The following PHLDA3 variants were observed in gnomAD, a reference collection of about 807,000 sequenced individuals.
PHLDA3 encodes pleckstrin homology-like domain family A member 3.
A neutral mutation model predicts 7.6 loss-of-function variants in PHLDA3; 12 were observed. That is an observed-to-expected ratio of 1.58 (90% CI 1.01 to 2.55). The LOEUF is 2.55. Ranked by LOEUF, PHLDA3 falls within the 30% of genes most tolerant of loss-of-function variation. The pLI is 0.00. For synonymous variants in PHLDA3, 104 were observed against 85.1 expected, an observed-to-expected ratio of 1.22 and a Z score of -1.23; for missense variants, 177 against 175.6, an observed-to-expected ratio of 1.01 and a Z score of -0.05.
In PHLDA3 at chr1:201,464,869, G is replaced by A. The variant is rs1454779030; in HGVS notation, c.*1372C>T. ...GCTTTGTCACCTAGGCTGGAGTGCA[G>A]TGGTGCCATCTCAGCTCACTGTAAC... On this transcript the variant is annotated 3_prime_UTR_variant, in exon 2 of 2. Transcript: ENST00000367311. The A allele has an allele frequency of 6.6e-6, 1 of 152,202 alleles. No individual in the cohort carries two copies. The highest frequency in any genetic ancestry group is 1.5e-5 in the Non-Finnish European group (1 of 68,082). 9.4% of individuals were successfully genotyped at this position (152,202 alleles called of 1,614,324 possible). A position where few individuals can be genotyped will look rare whatever the true frequency, so the allele number is the denominator to read the frequency against.
In PHLDA3 at chr1:201,469,040, G is replaced by T; in HGVS notation, c.-254C>A. The T allele has an allele frequency of 2.5e-6, 1 of 395,012 alleles. No homozygotes were observed. Among genetic ancestry groups the T allele is most frequent in the Non-Finnish European group, 4.4e-6 (1 of 228,734 alleles). 24.5% of individuals were successfully genotyped at this position (395,012 alleles called of 1,614,324 possible). A position where few individuals can be genotyped will look rare whatever the true frequency, so the allele number is the denominator to read the frequency against. ...CCGCTCCTCCGCTCTACCCCAGCTGGCCCAGCCCGACCCGCCTCTGCCAGA... is the reference window on the plus strand; with the variant it reads ...CCGCTCCTCCGCTCTACCCCAGCTGTCCCAGCCCGACCCGCCTCTGCCAGA... On this transcript the variant is annotated 5_prime_UTR_variant, in exon 1 of 2. Coordinates refer to ENST00000367311, the MANE Select transcript of PHLDA3 (RefSeq NM_012396.5).
In PHLDA3 at chr1:201,468,483, G is replaced by C. The variant is rs1352329894; in HGVS notation, c.304C>G (p.Leu102Val). Residue 102 changes from leucine to valine, a missense_variant, in exon 1 of 2, where the codon CTG (leucine) becomes GTG (valine). Transcript: ENST00000367311. ...GCCTGCTGGTTCTTGAACTTGACCA[G>C]GCCTAGGGTGATCTGGGCGTTCCAG... ...PGWNAQITLGLVKFKNQQAIQ... is the reference protein window; with the variant it reads ...PGWNAQITLGVVKFKNQQAIQ... 6.2e-7 allele frequency: 1 copy of C among 1,614,218 alleles called. No homozygotes were observed. The highest frequency in any genetic ancestry group is 1.1e-5 in the South Asian group (1 of 91,092).
chr1:201,468,968 G>A lies in PHLDA3; in HGVS notation c.-182C>T. 3.6e-6 allele frequency: 2 copies of A among 561,302 alleles called. No homozygotes were observed. Among genetic ancestry groups the A allele is most frequent in the South Asian group, 4.5e-5 (1 of 21,980 alleles). The allele number at this position is 561,302 out of a possible 1,614,324, so 34.8% of individuals were successfully genotyped here. On this transcript the variant is annotated 5_prime_UTR_variant, in exon 1 of 2. Transcript: ENST00000367311. ...ACCCGGCTGCCGGTGAGGTGGTGTCGGTGCCCCCAGCGCGCTCCGCGCCCA... is the reference window on the plus strand; with the variant it reads ...ACCCGGCTGCCGGTGAGGTGGTGTCAGTGCCCCCAGCGCGCTCCGCGCCCA...
At chr1:201,466,209 G>C (rs1042242570) in intron 1 of PHLDA3, 31 bp from the exon 2 acceptor site, 1 of 153,848 alleles carries the variant, frequency 6.5e-6, no homozygotes, top group African/African-American at 2.4e-5. Flanking sequence ...TTAGAGCAGG[G>C]GCAACAATGG....
Position 201,468,440 on chromosome 1 carries a change from G to A in PHLDA3, c.347C>T (p.Ala116Val), listed in dbSNP as rs115283578. ...KNQQAIQTVRARQSLGTGTLV... is the reference protein window; with the variant it reads ...KNQQAIQTVRVRQSLGTGTLV... The stretch of plus-strand genomic sequence containing the variant: ...GGTCCCGGTCCCGAGGCTCTGCCGG[G>A]CCCGCACTGTCTGGATGGCCTGCTG... Residue 116 changes from alanine to valine, a missense_variant, in exon 1 of 2, where the codon GCC becomes GTC. By Grantham distance (64) the Ala-to-Val change is moderately conservative. Transcript: ENST00000367311. 4.3e-4 allele frequency: 687 copies of A among 1,614,108 alleles called. 12 individuals carry two copies. In the East Asian group the frequency reaches 0.015, roughly 36 times the overall value.
chr1:201,468,129 C>T (rs373616035), intron 1 of PHLDA3, among the ~76,000 whole-genome samples: 10 of 152,368 alleles, frequency 6.6e-5, no homozygotes, highest in African/African-American at 2.2e-4. Context: ...ACACCTGGAT[C>T]ACATTCTGGA....
Position 201,464,550 on chromosome 1 carries a change from G to T in PHLDA3, c.*1691C>A, listed in dbSNP as rs1474137786. ...ATTGGAAGGCGAGAGAAATCTGAAC[G>T]GGAACAAAACAGGTTGGAAGCACAA... On this transcript the variant is annotated 3_prime_UTR_variant, in exon 2 of 2. Coordinates refer to ENST00000367311, the MANE Select transcript of PHLDA3 (RefSeq NM_012396.5). 1 of 152,202 alleles carries T rather than the reference G, an allele frequency of 6.6e-6. No individual in the cohort carries two copies. The highest frequency in any genetic ancestry group is 6.5e-5 in the Admixed American group (1 of 15,272). 9.4% of individuals were successfully genotyped at this position (152,202 alleles called of 1,614,324 possible).
chr1:201,468,956 T>A lies in PHLDA3; in HGVS notation c.-170A>T, dbSNP rs1247252255. ...GCGGCCCTCAGCACCCGGCTGCCGG[T>A]GAGGTGGTGTCGGTGCCCCCAGCGC... On this transcript the variant is annotated 5_prime_UTR_variant, in exon 1 of 2. Transcript: ENST00000367311. The A allele has an allele frequency of 9.6e-6, 6 of 626,780 alleles. No homozygotes were observed. The highest frequency in any genetic ancestry group is 9.4e-4 in the Middle Eastern group (2 of 2,126). 38.8% of individuals were successfully genotyped at this position (626,780 alleles called of 1,614,324 possible).
In PHLDA3 at chr1:201,468,892, C is replaced by T. The variant is rs1363214009; in HGVS notation, c.-106G>A. 4 of 1,243,048 alleles carry T rather than the reference C, an allele frequency of 3.2e-6. No individual in the cohort carries two copies. Among genetic ancestry groups the T allele is most frequent in the Non-Finnish European group, 3.1e-6 (3 of 958,754 alleles). The allele number at this position is 1,243,048 out of a possible 1,614,324, so 77.0% of individuals were successfully genotyped here. Reference sequence around the variant, plus strand: ...GCCCCGGGCTGGCAGGCCGTGCGCGCTGCCCACCTGCGCCCTGACTGCTCC... The same window carrying T: ...GCCCCGGGCTGGCAGGCCGTGCGCGTTGCCCACCTGCGCCCTGACTGCTCC... On this transcript the variant is annotated 5_prime_UTR_variant, in exon 1 of 2. Coordinates refer to ENST00000367311, the MANE Select transcript of PHLDA3 (RefSeq NM_012396.5).
At chr1:201,466,952 C>T (rs918380530) in intron 1 of PHLDA3, among the ~76,000 whole-genome samples, 2 of 152,102 alleles carry the variant, frequency 1.3e-5, no homozygotes, top group African/African-American at 4.8e-5. Flanking sequence ...CAGCCTCTGG[C>T]GCAGTTGCCT....
At chr1:201,466,371 A>G (rs1336994589) in intron 1 of PHLDA3, 193 bp from the exon 2 acceptor site, 1 of 152,140 alleles carries the variant, frequency 6.6e-6, no homozygotes, top group African/African-American at 2.4e-5. Context: ...ATGTGGATCA[A>G]TCCTCAGCAC....
In PHLDA3 at chr1:201,467,072, A is replaced by G. The variant is rs140562649; in HGVS notation, c.*63-894T>C. 1.4e-4 allele frequency among the ~76,000 whole-genome samples: 21 copies of G among 152,248 alleles called. No individual in the cohort carries two copies. The East Asian group carries it at 4.1e-3, about 29-fold the overall frequency. ...ACACCTGTAATCTTAGCACTTTGGG[A>G]GGCCAAGGTGGGCAGATTGCTTGAG... On this transcript the variant is annotated intron_variant, in intron 1 of 1. Transcript: ENST00000367311.
At chr1:201,468,285 A>AGG in intron 1 of PHLDA3, 56 bp downstream of exon 1, 1 of 1,145,870 alleles carries the variant, frequency 8.7e-7, no homozygotes, top group Non-Finnish European at 1.3e-6. Flanking sequence ...TTCTCTCTGT[A>AGG]GGGGAAAGAG....
Position 201,468,411 on chromosome 1 carries a change from C to G in PHLDA3, c.376G>C (p.Val126Leu). ...ATGGTGCGCCCGGTGGTTTAGGACA[C>G]GAGGGTCCCGGTCCCGAGGCTCTGC... is the stretch of plus-strand genomic sequence containing the variant. The part of the protein sequence containing the change: ...ARQSLGTGTL[V>L]S Residue 126 changes from valine (V) to leucine (L), a missense_variant, in exon 1 of 2, where the codon GTG becomes CTG. Physicochemically the swap from Val to Leu is conservative, Grantham distance 32. Coordinates refer to ENST00000367311, the MANE Select transcript of PHLDA3 (RefSeq NM_012396.5). 6.2e-7 allele frequency: 1 copy of G among 1,613,902 alleles called. No homozygotes were observed. Among genetic ancestry groups the G allele is most frequent in the Non-Finnish European group, 8.5e-7 (1 of 1,179,940 alleles).
At chr1:201,468,059 T>C (rs1047788911) in intron 1 of PHLDA3, among the ~76,000 whole-genome samples, 4 of 152,188 alleles carry the variant, frequency 2.6e-5, no homozygotes, top group Admixed American at 2.6e-4. Context: ...CTGAACCAAC[T>C]TGAAAGAAGG....
rs1377508711 is a variant in PHLDA3, at chr1:201,465,784, T to TCC, written c.*455_*456dup. 1 of 154,792 alleles carries TCC rather than the reference T, an allele frequency of 6.5e-6. No homozygotes were observed. Among genetic ancestry groups the TCC allele is most frequent in the African/African-American group, 2.4e-5 (1 of 41,486 alleles). 9.6% of individuals were successfully genotyped at this position (154,792 alleles called of 1,614,324 possible). On this transcript the variant is annotated 3_prime_UTR_variant, in exon 2 of 2. Coordinates refer to ENST00000367311, the MANE Select transcript of PHLDA3 (RefSeq NM_012396.5). Reference sequence around the variant, plus strand: ...GGCCTGGGTACCAGGCCCTGGGTACTCCTTTTGGTACCAGGCTGGCCTCCT... The same window carrying TCC: ...GGCCTGGGTACCAGGCCCTGGGTACTCCCCTTTTGGTACCAGGCTGGCCTCCT...
chr1:201,468,681 G>A lies in PHLDA3; in HGVS notation c.106C>T (p.Arg36Cys). The A allele has an allele frequency of 1.9e-6, 3 of 1,611,780 alleles. No homozygotes were observed. The highest frequency in any genetic ancestry group is 1.1e-5 in the South Asian group (1 of 91,060). Reference protein sequence around the residue: ...WKRKRCVLTERGLQLFEAKGT... With the variant: ...WKRKRCVLTECGLQLFEAKGT... Reference sequence around the variant, plus strand: ...TTGGCCTCGAAGAGCTGCAGCCCGCGTTCGGTGAGGACGCAGCGCTTCCGC... The same window carrying A: ...TTGGCCTCGAAGAGCTGCAGCCCGCATTCGGTGAGGACGCAGCGCTTCCGC... Residue 36 changes from arginine to cysteine, a missense_variant, in exon 1 of 2, where the codon CGC (arginine) becomes TGC (cysteine). Coordinates refer to ENST00000367311, the MANE Select transcript of PHLDA3 (RefSeq NM_012396.5).
Position 201,468,736 on chromosome 1 carries a change from C to G in PHLDA3, c.51G>C (p.Lys17Asn). Residue 17 changes from lysine (K) to asparagine (N), a missense_variant, in exon 1 of 2, where the codon AAG becomes AAC. Lys to Asn is a moderately conservative substitution (Grantham distance 94). Transcript: ENST00000367311. ...ATVLKEGVLEKRSGGLLQLWK... is the reference protein window; with the variant it reads ...ATVLKEGVLENRSGGLLQLWK... Reference sequence around the variant, plus strand: ...ACAGCTGCAGCAGCCCGCCGCTGCGCTTCTCCAGCACGCCCTCCTTGAGCA... The same window carrying G: ...ACAGCTGCAGCAGCCCGCCGCTGCGGTTCTCCAGCACGCCCTCCTTGAGCA... 2 of 1,598,776 alleles carry G rather than the reference C, an allele frequency of 1.3e-6. No homozygotes were observed. Among genetic ancestry groups the G allele is most frequent in the Non-Finnish European group, 1.7e-6 (2 of 1,177,146 alleles).
chr1:201,468,710 C>T lies in PHLDA3; in HGVS notation c.77G>A (p.Trp26Ter), dbSNP rs1663747485. 1.9e-6 allele frequency: 3 copies of T among 1,606,884 alleles called. No homozygotes were observed. Among genetic ancestry groups the T allele is most frequent in the Non-Finnish European group, 2.5e-6 (3 of 1,179,106 alleles). ...GGTGAGGACGCAGCGCTTCCGCTTC[C>T]ACAGCTGCAGCAGCCCGCCGCTGCG... ...EKRSGGLLQL[W>*]KRKRCVLTER... Residue 26 changes from tryptophan to a stop codon, truncating the protein, a stop_gained, in exon 1 of 2, where the codon TGG becomes TAG. Coordinates refer to ENST00000367311, the MANE Select transcript of PHLDA3 (RefSeq NM_012396.5). LOFTEE classifies it high-confidence loss of function.
Sources: gnomAD v4.1 joint callset for allele counts (sites outside exome capture counted in the v4.1 genomes callset) on GRCh38, gnomAD v4.1.1 for gene constraint, MANE v1.5 for transcripts, NCBI Gene and HGNC (gene_info 2026-07-23, HGNC 2026-07-21) for gene names.